Variants in PPP1R12A observed in about 807,000 individuals in gnomAD.
PPP1R12A encodes the protein myosin binding subunit.
Under a neutral mutation model 139.6 loss-of-function variants are expected in PPP1R12A, and 19 were observed. The observed-to-expected ratio is 0.14, with a 90% CI of 0.09 to 0.20. The LOEUF (loss-of-function observed/expected upper bound fraction) is 0.20. PPP1R12A is among the 10% of genes least tolerant of loss of function. PPP1R12A has a pLI of 1.00. For missense variants in PPP1R12A, 925 were observed against 1,211.5 expected (o/e 0.76, Z 3.51); for synonymous variants, 427 against 420.6 (o/e 1.02, Z -0.19).
intron 1 of PPP1R12A, among the ~76,000 whole-genome samples, chr12:79,934,423 C>A (rs1268625542): frequency 1.3e-5 from 2 of 152,212 alleles, no homozygotes; most frequent in Non-Finnish European, 2.9e-5. Context: ...GGCCCTGGGG[C>A]CCCAAACGAC....
chr12:79,908,593 T>C (rs1886313105), intron 1 of PPP1R12A, among the ~76,000 whole-genome samples: 1 of 152,226 alleles, frequency 6.6e-6, no homozygotes, highest in Non-Finnish European at 1.5e-5. Context: ...AAAGCAGGTA[T>C]ATAATCTAAT....
chr12:79,907,277 TCTG>T (rs1374185584), intron 1 of PPP1R12A, among the ~76,000 whole-genome samples: 3 of 152,184 alleles, frequency 2.0e-5, no homozygotes, highest in Admixed American at 2.0e-4. Flanking sequence ...CTAAAACTCA[TCTG>T]CTCATGATTT....
chr12:79,787,387 C>T (rs985675588), intron 21 of PPP1R12A: 2 of 152,204 alleles, frequency 1.3e-5, no homozygotes, highest in Admixed American at 6.5e-5. Context: ...GTATTCTCCC[C>T]CCACCAGGTC....
chr12:79,847,713 G>A (rs11114260), intron 2 of PPP1R12A, among the ~76,000 whole-genome samples: 16,856 of 152,078 alleles, frequency 0.11, 1,766 homozygotes, highest in African/African-American at 0.27. Context: ...GGTAGGTCCT[G>A]TAACAGAATA....
chr12:79,867,283 C>A (rs4842322), intron 2 of PPP1R12A, among the ~76,000 whole-genome samples: 119,303 of 151,794 alleles, frequency 0.79, 49,390 homozygotes, highest in Non-Finnish European at 0.92. Flanking sequence ...AACACATGGA[C>A]ACAGGGATGG....
chr12:79,837,775 G>A (rs974458571), intron 3 of PPP1R12A, among the ~76,000 whole-genome samples: 1 of 152,150 alleles, frequency 6.6e-6, no homozygotes, highest in African/African-American at 2.4e-5. Flanking sequence ...GGACGTGTTT[G>A]CTTCTCCTTC....
intron 2 of PPP1R12A, among the ~76,000 whole-genome samples, chr12:79,849,626 C>A (rs1013965210): frequency 5.7e-4 from 86 of 152,000 alleles, no homozygotes; most frequent in African/African-American, 1.9e-3. Context: ...AACAAACAAA[C>A]AAAAAAACAG....
intron 2 of PPP1R12A, among the ~76,000 whole-genome samples, chr12:79,861,701 C>G (rs1434193072): frequency 1.3e-5 from 2 of 152,172 alleles, no homozygotes; most frequent in Non-Finnish European, 2.9e-5. Context: ...TTGCTCACTG[C>G]TAGCACAGCA....
At chr12:79,820,677 G>A (rs1875994113) in intron 8 of PPP1R12A, 97 bp downstream of exon 8, 2 of 1,293,080 alleles carry the variant, frequency 1.5e-6, no homozygotes, top group Admixed American at 4.3e-5. Context: ...TAAACAAGTA[G>A]CAAATCAGTC....
chr12:79,921,991 C>T (rs893782254), intron 1 of PPP1R12A, among the ~76,000 whole-genome samples: 2 of 152,222 alleles, frequency 1.3e-5, no homozygotes, highest in African/African-American at 2.4e-5. Flanking sequence ...TAGTGCATGG[C>T]TGTAATCCAA....
At chr12:79,870,325 A>G (rs528861941) in intron 2 of PPP1R12A, among the ~76,000 whole-genome samples, 2 of 152,214 alleles carry the variant, frequency 1.3e-5, no homozygotes, top group South Asian at 4.1e-4. Flanking sequence ...CATGTTGCCC[A>G]GGCTGGTCTC....
At chr12:79,917,302 T>A (rs1288642414) in intron 1 of PPP1R12A, among the ~76,000 whole-genome samples, 1 of 151,794 alleles carries the variant, frequency 6.6e-6, no homozygotes, top group African/African-American at 2.4e-5. Flanking sequence ...CTGACCAACA[T>A]GGTGAAACCC....
At chr12:79,812,217 G>A (rs1020022910) in intron 9 of PPP1R12A, among the ~76,000 whole-genome samples, 1 of 152,068 alleles carries the variant, frequency 6.6e-6, no homozygotes, top group Non-Finnish European at 1.5e-5. Flanking sequence ...TGCTTTATAT[G>A]TCTAAAAGCA....
At chr12:79,913,199 G>A (rs571363243) in intron 1 of PPP1R12A, among the ~76,000 whole-genome samples, 5 of 152,320 alleles carry the variant, frequency 3.3e-5, no homozygotes, top group South Asian at 4.1e-4. Context: ...ATGTGCACAC[G>A]CATATGCACA....
At chr12:79,817,639 CTG>C (rs1160562943) in intron 8 of PPP1R12A, 121 bp from the exon 9 acceptor site, 4 of 922,344 alleles carry the variant, frequency 4.3e-6, no homozygotes, top group Non-Finnish European at 6.2e-6. Context: ...TCTTTCCCCA[CTG>C]TGATTCCTTT....
At chr12:79,855,276 C>A (rs12426485) in intron 2 of PPP1R12A, among the ~76,000 whole-genome samples, 4,258 of 152,230 alleles carry the variant, frequency 0.028, 133 homozygotes, top group Admixed American at 0.11. Context: ...GTGTGAGCCA[C>A]CGCGCCTGGC....
chr12:79,844,199 T>C (rs531034750), intron 3 of PPP1R12A, among the ~76,000 whole-genome samples: 2 of 152,306 alleles, frequency 1.3e-5, no homozygotes, highest in African/African-American at 4.8e-5. Flanking sequence ...CTGTGCCCGT[T>C]AGCAATCACT....
intron 1 of PPP1R12A, among the ~76,000 whole-genome samples, chr12:79,933,700 G>T (rs931808276): frequency 6.6e-6 from 1 of 152,258 alleles, no homozygotes; most frequent in South Asian, 2.1e-4. Context: ...GTTGCTTTTG[G>T]CCTGTTAAAG....
Position 79,828,464 on chromosome 12 carries a change from T to C in PPP1R12A, c.648A>G (p.Lys216=), listed in dbSNP as rs1483912548. ...CATCATAGCCTGCCTGTATTAAAAG[T>C]CTAAAGAAATTACAGTGAATTAGAC... The part of the protein sequence containing the change: ...AAAKGYTEVL[K]LLIQAGYDVN... The change falls in exon 5 of 25, where the codon AAA becomes AAG. Residue 216 remains lysine, a splice_region_variant and synonymous_variant. Transcript: ENST00000450142. 6.3e-7 allele frequency: 1 copy of C among 1,589,426 alleles called. No individual in the cohort carries two copies. The highest frequency in any genetic ancestry group is 8.6e-7 in the Non-Finnish European group (1 of 1,164,006).
Sources: allele counts gnomAD v4.1 joint callset (sites outside exome capture counted in the v4.1 genomes callset), GRCh38; gene constraint gnomAD v4.1.1; transcripts MANE v1.5; gene names NCBI Gene and HGNC (gene_info 2026-07-23, HGNC 2026-07-21).